Variants in SYNJ2BP observed in about 807,000 individuals in gnomAD.
SYNJ2BP encodes the protein synaptojanin-2-binding protein.
A neutral mutation model predicts 16.9 loss-of-function variants in SYNJ2BP; 10 were observed. The observed-to-expected ratio is 0.59, with a 90% CI of 0.36 to 1.00. SYNJ2BP has a LOEUF of 1.00. Among genes scored for constraint, SYNJ2BP ranks in the 50% least tolerant of loss-of-function variants. The pLI, the probability that SYNJ2BP is intolerant of heterozygous loss-of-function variation, is 0.01. For missense variants in SYNJ2BP, 162 were observed against 186.7 expected (o/e 0.87, Z 0.77); for synonymous variants, 54 against 68.4 (o/e 0.79, Z 1.04).
chr14:70,383,514 T>G (rs1428416582), intron 2 of SYNJ2BP, among the ~76,000 whole-genome samples: 1 of 152,190 alleles, frequency 6.6e-6, no homozygotes, highest in Non-Finnish European at 1.5e-5. Flanking sequence ...GCTCAATCTG[T>G]GCCATTTTGT....
chr14:70,399,138 C>T lies in SYNJ2BP; in HGVS notation c.65-10532G>A, dbSNP rs557676030. Among the ~76,000 whole-genome samples the T allele has an allele frequency of 1.8e-4, 28 of 152,270 alleles. 1 individual carries two copies. In the South Asian group the frequency reaches 5.2e-3, roughly 28 times the overall value. Reference sequence around the variant, plus strand: ...CTGGCCAGGTCCCCAAAGCAGGCGCCGCTCCCACTTCCCACCCTGGGGCCC... The same window carrying T: ...CTGGCCAGGTCCCCAAAGCAGGCGCTGCTCCCACTTCCCACCCTGGGGCCC... On this transcript the variant is annotated intron_variant, in intron 1 of 3. Transcript: ENST00000256366.
intron 1 of SYNJ2BP, among the ~76,000 whole-genome samples, chr14:70,412,941 C>T (rs1441795847): frequency 1.3e-5 from 2 of 151,998 alleles, no homozygotes; most frequent in Admixed American, 6.6e-5. Flanking sequence ...AGTTTTGAGA[C>T]GCATTAAGAG....
In SYNJ2BP at chr14:70,387,225, C is replaced by T. The variant is rs1364278178; in HGVS notation, c.201+1245G>A. 2.0e-5 allele frequency among the ~76,000 whole-genome samples: 3 copies of T among 152,150 alleles called. No homozygotes were observed. In the East Asian group the frequency reaches 5.8e-4, roughly 29 times the overall value. The stretch of plus-strand genomic sequence containing the variant: ...TACAAGTAATAAGCTGGCCATTTTT[C>T]ACTAGTCCTGAAGATTAATAAAAAA... On this transcript the variant is annotated intron_variant, in intron 2 of 3. Transcript: ENST00000256366.
intron 1 of SYNJ2BP, among the ~76,000 whole-genome samples, chr14:70,409,745 AT>A (rs1218437529): frequency 1.3e-5 from 2 of 152,134 alleles, no homozygotes; most frequent in African/African-American, 4.8e-5. Flanking sequence ...CTCAAATTGT[AT>A]TTAGTGAAGA....
At chr14:70,395,602 CCTGT>C (rs1888072745) in intron 1 of SYNJ2BP, among the ~76,000 whole-genome samples, 1 of 152,168 alleles carries the variant, frequency 6.6e-6, no homozygotes, top group South Asian at 2.1e-4. Flanking sequence ...ACACAACCCC[CCTGT>C]CTGTCTTTAT....
chr14:70,399,331 G>A (rs185722980), intron 1 of SYNJ2BP, among the ~76,000 whole-genome samples: 1 of 152,342 alleles, frequency 6.6e-6, no homozygotes, highest in Non-Finnish European at 1.5e-5. Context: ...CCCCAGGGCA[G>A]CAGGCTCCAG....
chr14:70,384,698 G>A (rs1210242091), intron 2 of SYNJ2BP, among the ~76,000 whole-genome samples: 1 of 151,648 alleles, frequency 6.6e-6, no homozygotes, highest in Non-Finnish European at 1.5e-5. Context: ...TAAGTGTCTG[G>A]CACTTCCCCC....
intron 2 of SYNJ2BP, among the ~76,000 whole-genome samples, chr14:70,378,342 A>G (rs1372827027): frequency 2.0e-5 from 3 of 151,832 alleles, no homozygotes; most frequent in Admixed American, 6.6e-5. Flanking sequence ...CCCTAATTCA[A>G]CATATCCAAA....
chr14:70,382,397 A>G (rs10146506), intron 2 of SYNJ2BP, among the ~76,000 whole-genome samples: 132,972 of 152,268 alleles, frequency 0.87, 58,123 homozygotes, highest in East Asian at 0.93. Context: ...AATGTATGTC[A>G]TTCCTGTTAT....
At chr14:70,377,338 C>CA (rs1054645590) in intron 2 of SYNJ2BP, among the ~76,000 whole-genome samples, 4 of 152,158 alleles carry the variant, frequency 2.6e-5, no homozygotes, top group African/African-American at 9.7e-5. Flanking sequence ...TTCTTGCCAT[C>CA]ATTAAGTTGA....
chr14:70,387,962 T>A (rs1213541389), intron 2 of SYNJ2BP, among the ~76,000 whole-genome samples: 2 of 152,150 alleles, frequency 1.3e-5, no homozygotes, highest in Non-Finnish European at 2.9e-5. Flanking sequence ...AGCGGACAGG[T>A]ACCCAAATCA....
intron 3 of SYNJ2BP, 39 bp downstream of exon 3, chr14:70,375,637 A>C: frequency 6.3e-7 from 1 of 1,598,928 alleles, no homozygotes; most frequent in Non-Finnish European, 8.5e-7. Context: ...TACAGTGCAA[A>C]AGCCTGGTGC....
chr14:70,375,776 C>G lies in SYNJ2BP; in HGVS notation c.202-5G>C, dbSNP rs1887617465. ...CTTTAGGTCTTGGCCATTTACCTGT[C>G]AAAACACCAAAGAGTAGTAAGAAAG... On this transcript the variant is annotated splice_polypyrimidine_tract_variant and splice_region_variant and intron_variant, in intron 2 of 3. Transcript: ENST00000256366. 3.1e-6 allele frequency: 5 copies of G among 1,612,962 alleles called. No individual in the cohort carries two copies. The East Asian group carries it at 1.1e-4, about 36-fold the overall frequency.
chr14:70,406,248 T>A (rs191475131), intron 1 of SYNJ2BP, among the ~76,000 whole-genome samples: 98 of 152,312 alleles, frequency 6.4e-4, no homozygotes, highest in African/African-American at 2.3e-3. Context: ...AAATAAACTT[T>A]ATATTTAAAA....
At chr14:70,382,857 C>A (rs8014520) in intron 2 of SYNJ2BP, among the ~76,000 whole-genome samples, 95,664 of 152,032 alleles carry the variant, frequency 0.63, 31,217 homozygotes, top group Non-Finnish European at 0.72. Flanking sequence ...CTTATGAAAT[C>A]AGCTGAGTTA....
chr14:70,415,560 AAAAAG>A (rs1183266784), intron 1 of SYNJ2BP, among the ~76,000 whole-genome samples: 1 of 151,918 alleles, frequency 6.6e-6, no homozygotes, highest in Non-Finnish European at 1.5e-5. Flanking sequence ...CAAAAAAAAA[AAAAAG>A]AAAAGAAAAA....
At chr14:70,389,591 G>A (rs1887937198) in intron 1 of SYNJ2BP, among the ~76,000 whole-genome samples, 1 of 152,034 alleles carries the variant, frequency 6.6e-6, no homozygotes, top group South Asian at 2.1e-4. Flanking sequence ...TTTGAATTTG[G>A]GGGATTTTGG....
chr14:70,367,194 C>T lies in SYNJ2BP; in HGVS notation c.*5797G>A, dbSNP rs1007220703. 1.3e-5 allele frequency: 2 copies of T among 152,120 alleles called. No homozygotes were observed. The highest frequency in any genetic ancestry group is 2.9e-5 in the Non-Finnish European group (2 of 68,026). 9.4% of individuals were successfully genotyped at this position (152,120 alleles called of 1,614,324 possible). ...ACTTGATTCCTTTGAAGGAGCAATG[C>T]TTTCTCATAATATAGGTTTTATAGT... On this transcript the variant is annotated 3_prime_UTR_variant, in exon 4 of 4. Coordinates refer to ENST00000256366, the MANE Select transcript of SYNJ2BP (RefSeq NM_018373.3).
At chr14:70,404,161 C>T (rs940871100) in intron 1 of SYNJ2BP, among the ~76,000 whole-genome samples, 14 of 127,820 alleles carry the variant, frequency 1.1e-4, no homozygotes, top group African/African-American at 3.6e-4. Flanking sequence ...CCTGTCTCTA[C>T]AAAAATGAAA....
Sources: gnomAD v4.1 joint callset for allele counts (sites outside exome capture counted in the v4.1 genomes callset) on GRCh38, gnomAD v4.1.1 for gene constraint, MANE v1.5 for transcripts, NCBI Gene and HGNC (gene_info 2026-07-23, HGNC 2026-07-21) for gene names.